AFF3: variants seen among roughly 807,000 people sequenced by gnomAD.
AFF3 encodes the protein AF4/FMR2 family member 3.
Under a neutral mutation model 129.7 loss-of-function variants are expected in AFF3, and 32 were observed. The observed-to-expected ratio is 0.25, with a 90% CI of 0.19 to 0.33. The LOEUF is 0.33. Ranked by LOEUF, AFF3 falls within the 10% of genes least tolerant of loss-of-function variation. The probability of loss-of-function intolerance (pLI) is 1.00; values close to 1 mark genes in which losing one functional copy is unlikely to be tolerated. For missense variants in AFF3, 1,373 were observed against 1,592.0 expected (o/e 0.86, Z 2.34); for synonymous variants, 644 against 635.4 (o/e 1.01, Z -0.20).
At chr2:99,638,468 TG>T (rs1162787473) in intron 13 of AFF3, among the ~76,000 whole-genome samples, 2 of 124,282 alleles carry the variant, frequency 1.6e-5, no homozygotes, top group African/African-American at 6.2e-5. Context: ...TGGGGGACTC[TG>T]GTGGTGCGGG....
In AFF3 at chr2:100,008,950, A is replaced by C. The variant is rs1559053278; in HGVS notation, c.54-18T>G. The C allele has an allele frequency of 6.2e-7, 1 of 1,613,000 alleles. No homozygotes were observed. ...CATAGACACTGCATCAGGAAAAAGA[A>C]GAGAGAACAACCACACACACAAATT... On this transcript the variant is annotated intron_variant, in intron 4 of 24. Transcript: ENST00000672756.
At chr2:99,866,967 TA>T (rs1691450429) in intron 7 of AFF3, among the ~76,000 whole-genome samples, 1 of 93,616 alleles carries the variant, frequency 1.1e-5, no homozygotes. Flanking sequence ...CACAGCATAA[TA>T]ATAATAATAA....
intron 7 of AFF3, among the ~76,000 whole-genome samples, chr2:99,913,230 T>G (rs1300457171): frequency 6.6e-6 from 1 of 152,268 alleles, no homozygotes; most frequent in African/African-American, 2.4e-5. Flanking sequence ...GAATTCTAGA[T>G]AGCAGCCTTG....
chr2:99,910,848 G>C (rs996396826), intron 7 of AFF3, among the ~76,000 whole-genome samples: 1 of 152,212 alleles, frequency 6.6e-6, no homozygotes, highest in Non-Finnish European at 1.5e-5. Flanking sequence ...TGATCATTTC[G>C]GGAGCTCTGA....
chr2:99,594,651 T>G (rs1248253424), intron 14 of AFF3, among the ~76,000 whole-genome samples: 1 of 152,190 alleles, frequency 6.6e-6, no homozygotes, highest in Non-Finnish European at 1.5e-5. Context: ...TCCCCAAAAC[T>G]CAGAGAATTG....
intron 12 of AFF3, among the ~76,000 whole-genome samples, chr2:99,664,073 A>C (rs1686471109): frequency 6.6e-6 from 1 of 152,220 alleles, no homozygotes; most frequent in Non-Finnish European, 1.5e-5. Context: ...TACTGTCTTA[A>C]GTCTTCTAAT....
intron 7 of AFF3, among the ~76,000 whole-genome samples, chr2:99,980,577 G>A (rs1303118609): frequency 3.9e-5 from 6 of 152,196 alleles, no homozygotes; most frequent in African/African-American, 1.4e-4. Context: ...AGGTTTCTTG[G>A]CCTTAAGCAG....
intron 4 of AFF3, among the ~76,000 whole-genome samples, chr2:100,092,282 T>C (rs1202968782): frequency 4.6e-5 from 7 of 151,820 alleles, no homozygotes; most frequent in Non-Finnish European, 1.0e-4. Flanking sequence ...CATCCCCTTC[T>C]ACCCAGAAAA....
chr2:99,832,179 T>A (rs1688558774), intron 8 of AFF3, among the ~76,000 whole-genome samples: 1 of 152,244 alleles, frequency 6.6e-6, no homozygotes, highest in Non-Finnish European at 1.5e-5. Flanking sequence ...GAAGTTATAA[T>A]CTCACAGACT....
intron 10 of AFF3, among the ~76,000 whole-genome samples, chr2:99,740,828 A>G (rs1374129355): frequency 6.6e-6 from 1 of 152,072 alleles, no homozygotes; most frequent in Non-Finnish European, 1.5e-5. Flanking sequence ...ATTAGATGCC[A>G]TTTGTCAATT....
intron 13 of AFF3, among the ~76,000 whole-genome samples, chr2:99,617,299 A>T (rs1681535567): frequency 6.6e-6 from 1 of 152,176 alleles, no homozygotes; most frequent in Non-Finnish European, 1.5e-5. Context: ...TAACTTCTCC[A>T]CATGCTTGTC....
intron 11 of AFF3, among the ~76,000 whole-genome samples, chr2:99,679,652 C>T (rs983270415): frequency 5.3e-5 from 8 of 152,118 alleles, no homozygotes; most frequent in Non-Finnish European, 8.8e-5. Context: ...TAAGAAGAAA[C>T]AGTCAGTGGT....
rs1694993586 is a variant in AFF3, at chr2:99,909,835, CTGAGT to C, written c.874-72316_874-72312del. Reference sequence around the variant, plus strand: ...GATCAGCTTTCTACTTCAGAATGTGCTGAGTTTTTTCCCTATCTTTATGCAGTTGT... The same window carrying C: ...GATCAGCTTTCTACTTCAGAATGTGCTTTTTCCCTATCTTTATGCAGTTGT... On this transcript the variant is annotated intron_variant, in intron 7 of 24. Coordinates refer to ENST00000672756, the MANE Select transcript of AFF3 (RefSeq NM_001386135.1). Among the ~76,000 whole-genome samples, 8 of 152,100 alleles carry C rather than the reference CTGAGT, an allele frequency of 5.3e-5. No individual in the cohort carries two copies. The South Asian group carries it at 1.7e-3, about 32-fold the overall frequency.
chr2:99,853,544 C>A (rs1006590337), intron 7 of AFF3, among the ~76,000 whole-genome samples: 5 of 152,296 alleles, frequency 3.3e-5, no homozygotes, highest in Admixed American at 2.6e-4. Context: ...CTAATCTCAT[C>A]GAGTATCGTA....
At chr2:99,738,674 G>A (rs912207556) in intron 10 of AFF3, among the ~76,000 whole-genome samples, 4 of 151,960 alleles carry the variant, frequency 2.6e-5, no homozygotes, top group Non-Finnish European at 4.4e-5. Flanking sequence ...TCAGTATTCC[G>A]ATCAATTTTT....
At position 99,743,914 on chromosome 2, in the gene AFF3, T is replaced by C. The variant is rs543459738; in HGVS notation, c.1039+190A>G. 9.8e-4 allele frequency among the ~76,000 whole-genome samples: 150 copies of C among 152,286 alleles called. 1 individual carries two copies. Among genetic ancestry groups the C allele is most frequent in the Non-Finnish European group, 1.7e-3 (113 of 68,036 alleles). On this transcript the variant is annotated intron_variant, in intron 10 of 24. Transcript: ENST00000672756. ...CTGTTTTGGCCTTCCTTTCCTTGAATATGCACACTTAAGGTCATCATAAAT... is the reference window on the plus strand; with the variant it reads ...CTGTTTTGGCCTTCCTTTCCTTGAACATGCACACTTAAGGTCATCATAAAT...
chr2:100,036,134 TAAAAAA>T (rs59136725), intron 4 of AFF3, among the ~76,000 whole-genome samples: 4 of 64,340 alleles, frequency 6.2e-5, no homozygotes, highest in Non-Finnish European at 8.3e-5. Flanking sequence ...AATACAGTGC[TAAAAAA>T]AAAAAAAAAA....
intron 8 of AFF3, among the ~76,000 whole-genome samples, chr2:99,771,685 G>A (rs776140419): frequency 3.3e-5 from 5 of 152,156 alleles, no homozygotes; most frequent in Non-Finnish European, 7.3e-5. Context: ...AGTGGAACTC[G>A]GAATGAGGAG....
chr2:99,554,815 C>T (rs1215469205), intron 22 of AFF3, 83 bp from the exon 23 acceptor site: 1 of 1,513,064 alleles, frequency 6.6e-7, no homozygotes, highest in Non-Finnish European at 9.1e-7. Context: ...CAGGTGACTG[C>T]AGAGAGAAGC....
Sources: allele counts gnomAD v4.1 joint callset (sites outside exome capture counted in the v4.1 genomes callset), GRCh38; gene constraint gnomAD v4.1.1; transcripts MANE v1.5; gene names NCBI Gene and HGNC (gene_info 2026-07-23, HGNC 2026-07-21).